The following NFASC variants were observed in gnomAD, a reference collection of about 807,000 sequenced individuals.
NFASC encodes the protein neurofascin homolog.
Under a neutral mutation model 147.5 loss-of-function variants are expected in NFASC, and 43 were observed. The observed-to-expected ratio is 0.29, with a 90% CI of 0.23 to 0.38. The LOEUF is 0.38. NFASC is among the 10% of genes least tolerant of loss of function. The pLI is 1.00. For synonymous variants in NFASC, 622 were observed against 665.5 expected, an observed-to-expected ratio of 0.93 and a Z score of 1.01; for missense variants, 1,320 against 1,689.0, an observed-to-expected ratio of 0.78 and a Z score of 3.83.
At chr1:204,862,768 A>T (rs2076777641) in intron 1 of NFASC, among the ~76,000 whole-genome samples, 1 of 152,142 alleles carries the variant, frequency 6.6e-6, no homozygotes, top group Non-Finnish European at 1.5e-5. Context: ...TTATCTTTGG[A>T]GGGCAGTGTG....
intron 20 of NFASC, among the ~76,000 whole-genome samples, chr1:204,981,571 G>A (rs2095509580): frequency 6.6e-6 from 1 of 152,280 alleles, no homozygotes; most frequent in South Asian, 2.1e-4. Flanking sequence ...CTGGGTCTCA[G>A]GCGAAGCCTG....
chr1:204,845,817 G>C (rs1422457589), intron 1 of NFASC, among the ~76,000 whole-genome samples: 1 of 152,166 alleles, frequency 6.6e-6, no homozygotes, highest in Non-Finnish European at 1.5e-5. Flanking sequence ...CAGGAGGATC[G>C]CTTGAGCCCA....
intron 1 of NFASC, among the ~76,000 whole-genome samples, chr1:204,837,690 T>C (rs1157009090): frequency 6.6e-6 from 1 of 152,252 alleles, no homozygotes; most frequent in Non-Finnish European, 1.5e-5. Flanking sequence ...TGACCTGACC[T>C]GAGATATTTT....
chr1:204,938,120 C>T (rs918061823), intron 2 of NFASC, among the ~76,000 whole-genome samples: 6 of 152,160 alleles, frequency 3.9e-5, no homozygotes, highest in Non-Finnish European at 8.8e-5. Flanking sequence ...CTCCCGATGG[C>T]GACAGCTCGT....
intron 21 of NFASC, chr1:204,984,120 A>G (rs149063271): frequency 6.2e-7 from 1 of 1,613,696 alleles, no homozygotes; most frequent in Non-Finnish European, 8.5e-7. Context: ...GACACGGTCC[A>G]GGGCCAGCTC....
chr1:204,832,015 T>C (rs1672335658), intron 1 of NFASC, among the ~76,000 whole-genome samples: 1 of 152,174 alleles, frequency 6.6e-6, no homozygotes, highest in Non-Finnish European at 1.5e-5. Context: ...GCTTGGCTGA[T>C]GCTATCCGGA....
At chr1:204,877,085 A>G (rs1404283285) in intron 1 of NFASC, among the ~76,000 whole-genome samples, 1 of 117,368 alleles carries the variant, frequency 8.5e-6, no homozygotes, top group Non-Finnish European at 1.7e-5. Context: ...TATATAATAT[A>G]TTTATTTATA....
At chr1:204,964,121 C>T (rs965436637) in intron 8 of NFASC, among the ~76,000 whole-genome samples, 11 of 152,156 alleles carry the variant, frequency 7.2e-5, no homozygotes, top group African/African-American at 2.7e-4. Flanking sequence ...TGAATTAAAT[C>T]CAGGGTCCGG....
At chr1:204,894,168 T>C (rs926551454) in intron 1 of NFASC, among the ~76,000 whole-genome samples, 4 of 152,394 alleles carry the variant, frequency 2.6e-5, no homozygotes, top group South Asian at 2.1e-4. Flanking sequence ...GCTGTATCTT[T>C]GGCAGAGATT....
intron 1 of NFASC, among the ~76,000 whole-genome samples, chr1:204,859,334 T>G (rs1385299555): frequency 6.6e-6 from 1 of 152,226 alleles, no homozygotes. Context: ...TTCCCCCGCC[T>G]TAGCCCCTAG....
intron 1 of NFASC, among the ~76,000 whole-genome samples, chr1:204,869,477 A>T (rs1274458152): frequency 6.6e-6 from 1 of 152,228 alleles, no homozygotes; most frequent in Non-Finnish European, 1.5e-5. Context: ...CTTCCATTTG[A>T]TTAAAATATT....
chr1:204,984,557 T>C (rs1449685361), intron 21 of NFASC, among the ~76,000 whole-genome samples: 5 of 151,902 alleles, frequency 3.3e-5, no homozygotes. Flanking sequence ...CAGAGCAGTG[T>C]TGAGGCACCG....
intron 1 of NFASC, among the ~76,000 whole-genome samples, chr1:204,882,411 C>T (rs927496081): frequency 6.6e-6 from 1 of 151,964 alleles, no homozygotes; most frequent in African/African-American, 2.4e-5. Flanking sequence ...TTTTTCTTCC[C>T]TCTGCCTTAA....
At chr1:204,942,272 G>A (rs2093408495) in intron 2 of NFASC, among the ~76,000 whole-genome samples, 1 of 152,184 alleles carries the variant, frequency 6.6e-6, no homozygotes, top group Non-Finnish European at 1.5e-5. Context: ...TAACGAGAGA[G>A]GGCAGACACA....
rs985594816 is a variant in NFASC, at chr1:205,020,207, C to T, written c.*3668C>T. 6.6e-6 allele frequency: 1 copy of T among 152,294 alleles called. No individual in the cohort carries two copies. Among genetic ancestry groups the T allele is most frequent in the African/African-American group, 2.4e-5 (1 of 41,456 alleles). The allele number at this position is 152,294 out of a possible 1,614,324, so 9.4% of individuals were successfully genotyped here. On this transcript the variant is annotated 3_prime_UTR_variant, in exon 30 of 30. Coordinates refer to ENST00000339876, the MANE Select transcript of NFASC (RefSeq NM_001005388.3). ...ACATTGCTTGCCCTGCAAGGTGCAA[C>T]TGAGCCCACATAGCGCATTCATAGT...
intron 1 of NFASC, among the ~76,000 whole-genome samples, chr1:204,866,699 A>G (rs191294810): frequency 6.6e-6 from 1 of 152,304 alleles, no homozygotes; most frequent in African/African-American, 2.4e-5. Flanking sequence ...AATACATCAA[A>G]CTAGGCACCT....
At chr1:204,838,240 G>A (rs2102448978) in intron 1 of NFASC, among the ~76,000 whole-genome samples, 1 of 152,270 alleles carries the variant, frequency 6.6e-6, no homozygotes, top group Non-Finnish European at 1.5e-5. Flanking sequence ...ATTGAATTTT[G>A]AATTACATTA....
chr1:204,859,338 C>T (rs1453785881), intron 1 of NFASC, among the ~76,000 whole-genome samples: 1 of 152,226 alleles, frequency 6.6e-6, no homozygotes, highest in Non-Finnish European at 1.5e-5. Context: ...CCCGCCTTAG[C>T]CCCTAGATGG....
intron 4 of NFASC, 44 bp downstream of exon 4, chr1:204,950,618 G>A: frequency 6.3e-7 from 1 of 1,589,036 alleles, no homozygotes; most frequent in Non-Finnish European, 8.6e-7. Flanking sequence ...GAGTTGGGAG[G>A]GAGGAATGAG....
Sources: gnomAD v4.1 joint callset for allele counts (sites outside exome capture counted in the v4.1 genomes callset) on GRCh38, gnomAD v4.1.1 for gene constraint, MANE v1.5 for transcripts, NCBI Gene and HGNC (gene_info 2026-07-23, HGNC 2026-07-21) for gene names.